Variants in SLC9A1 observed in about 807,000 individuals in gnomAD.
SLC9A1 encodes solute carrier family 9 member A1, also known as sodium/hydrogen exchanger 1.
A neutral mutation model predicts 67.9 loss-of-function variants in SLC9A1; 22 were observed. The observed-to-expected ratio is 0.32, with a 90% CI of 0.23 to 0.46. The LOEUF is 0.46. Among genes scored for constraint, SLC9A1 ranks in the 20% least tolerant of loss-of-function variants. The probability of loss-of-function intolerance (pLI) is 1.00; values close to 1 mark genes in which losing one functional copy is unlikely to be tolerated. For missense variants in SLC9A1, 686 were observed against 1,094.8 expected, an observed-to-expected ratio of 0.63 and a Z score of 5.27; for synonymous variants, 421 against 471.8, an observed-to-expected ratio of 0.89 and a Z score of 1.40.
chr1:27,147,163 G>A (rs1460186005), intron 1 of SLC9A1, among the ~76,000 whole-genome samples: 2 of 151,942 alleles, frequency 1.3e-5, no homozygotes, highest in Admixed American at 6.6e-5. Context: ...AGCCAGGCAT[G>A]ATGGTTGGTG....
At chr1:27,132,989 T>TC (rs1193990802) in intron 1 of SLC9A1, among the ~76,000 whole-genome samples, 2 of 152,020 alleles carry the variant, frequency 1.3e-5, no homozygotes, top group Non-Finnish European at 2.9e-5. Flanking sequence ...GGAAATCTTA[T>TC]CATGCCAAAT....
Position 27,124,573 on chromosome 1 carries a change from A to G in SLC9A1, c.353-10287T>C, listed in dbSNP as rs578138561. On this transcript the variant is annotated intron_variant, in intron 1 of 11. Transcript: ENST00000263980. ...GTCACAGTGTCCTATTTTCAGCACT[A>G]CAAGGAATGCGGGGGACCGCAAAGG... 2.0e-5 allele frequency among the ~76,000 whole-genome samples: 3 copies of G among 152,340 alleles called. No homozygotes were observed. The South Asian group carries it at 6.2e-4, about 32-fold the overall frequency.
chr1:27,099,808 T>A lies in SLC9A1; in HGVS notation c.*499A>T, dbSNP rs1264022680. 1 of 153,792 alleles carries A rather than the reference T, an allele frequency of 6.5e-6. No homozygotes were observed. The highest frequency in any genetic ancestry group is 1.4e-5 in the Non-Finnish European group (1 of 69,296). The allele number at this position is 153,792 out of a possible 1,614,324, so 9.5% of individuals were successfully genotyped here. A position where few individuals can be genotyped will look rare whatever the true frequency, so the allele number is the denominator to read the frequency against. On this transcript the variant is annotated 3_prime_UTR_variant, in exon 12 of 12. Transcript: ENST00000263980. ...AGGGTGACAGAGCTGGCAGGAGGAGTGTGAGACCTTGGTGGGTCAGCAGTC... is the reference window on the plus strand; with the variant it reads ...AGGGTGACAGAGCTGGCAGGAGGAGAGTGAGACCTTGGTGGGTCAGCAGTC...
At chr1:27,131,067 C>T (rs1204871943) in intron 1 of SLC9A1, among the ~76,000 whole-genome samples, 1 of 152,230 alleles carries the variant, frequency 6.6e-6, no homozygotes, top group Non-Finnish European at 1.5e-5. Flanking sequence ...CAGGGCCCAT[C>T]GTGTGATCCC....
intron 1 of SLC9A1, among the ~76,000 whole-genome samples, chr1:27,132,699 C>A (rs1250603193): frequency 6.6e-6 from 1 of 152,154 alleles, no homozygotes; most frequent in East Asian, 1.9e-4. Flanking sequence ...CTGTTCACTG[C>A]CACTGGAATG....
Position 27,153,998 on chromosome 1 carries a change from A to G in SLC9A1, c.337T>C (p.Cys113Arg). Residue 113 changes from cysteine to arginine, a missense_variant, in exon 1 of 12, where the codon TGC becomes CGC. Physicochemically the swap from Cys to Arg is radical, Grantham distance 180. Coordinates refer to ENST00000263980, the MANE Select transcript of SLC9A1 (RefSeq NM_003047.5). ...CGGGACTTACCTATCTTCATGAGGC[A>G]GGCCAGAAGGATCCAGAGGGAGATC... ...FEISLWILLA[C>R]LMKIGFHVIP... 6.4e-7 allele frequency: 1 copy of G among 1,561,912 alleles called. No individual in the cohort carries two copies. Among genetic ancestry groups the G allele is most frequent in the South Asian group, 1.2e-5 (1 of 83,290 alleles).
intron 1 of SLC9A1, among the ~76,000 whole-genome samples, chr1:27,129,486 G>A (rs1015165658): frequency 6.6e-6 from 1 of 152,190 alleles, no homozygotes; most frequent in East Asian, 1.9e-4. Flanking sequence ...GCAGGGCTTG[G>A]TCCTGGTGCC....
intron 1 of SLC9A1, among the ~76,000 whole-genome samples, chr1:27,126,768 G>C (rs1299511434): frequency 6.6e-6 from 1 of 152,210 alleles, no homozygotes; most frequent in African/African-American, 2.4e-5. Context: ...GAGGGCAGAA[G>C]TCATGTCTGG....
In SLC9A1 at chr1:27,154,293, C is replaced by T. The variant is rs768423413; in HGVS notation, c.42G>A (p.Arg14=). The change falls in exon 1 of 12, where the codon CGG becomes CGA. Residue 14 remains arginine, a synonymous_variant. Coordinates refer to ENST00000263980, the MANE Select transcript of SLC9A1 (RefSeq NM_003047.5). ...RSGICGLSPH[R]IFPSLLVVVA... ...CCACCACGAGTAAGGAAGGGAAGAT[C>T]CGATGTGGAGAGAGGCCACAGATGC... 3 of 1,610,142 alleles carry T rather than the reference C, an allele frequency of 1.9e-6. No individual in the cohort carries two copies. In the South Asian group the frequency reaches 3.3e-5, roughly 18 times the overall value.
At chr1:27,112,091 A>T (rs2083232017) in intron 2 of SLC9A1, among the ~76,000 whole-genome samples, 1 of 152,216 alleles carries the variant, frequency 6.6e-6, no homozygotes, top group Non-Finnish European at 1.5e-5. Flanking sequence ...GTAATCCTGT[A>T]AGAAGCCTGG....
chr1:27,100,546 G>T lies in SLC9A1; in HGVS notation c.2209C>A (p.Leu737Met), dbSNP rs2083134691. Reference sequence around the variant, plus strand: ...CTCAACCCTAAGACTTTGCCCTTCAGCTCTTCATTCACCAGGTCCACAGAC... The same window carrying T: ...CTCAACCCTAAGACTTTGCCCTTCATCTCTTCATTCACCAGGTCCACAGAC... ...PESVDLVNEELKGKVLGLSRD... is the reference protein window; with the variant it reads ...PESVDLVNEEMKGKVLGLSRD... Residue 737 changes from leucine to methionine, a missense_variant, in exon 12 of 12, where the codon CTG becomes ATG. Leu to Met is a conservative substitution (Grantham distance 15). This residue lies in a region of SLC9A1 where 226 missense variants were observed against 282.4 expected (regional missense o/e 0.80). Transcript: ENST00000263980. This position sits in a 1 kb window ranked among gnomAD's most constrained non-coding sequence, Gnocchi z 5.6. 1 of 1,614,040 alleles carries T rather than the reference G, an allele frequency of 6.2e-7. No homozygotes were observed. Among genetic ancestry groups the T allele is most frequent in the Non-Finnish European group, 8.5e-7 (1 of 1,179,930 alleles).
rs1441147899 is a variant in SLC9A1, at chr1:27,137,430, C to CA, written c.352+16552dup. ...GGCCGGGCTCTGTCATCATGTCAGACATTTAGAAGCCCTTACTGCTAGGTG... is the reference window on the plus strand; with the variant it reads ...GGCCGGGCTCTGTCATCATGTCAGACAATTTAGAAGCCCTTACTGCTAGGTG... On this transcript the variant is annotated intron_variant, in intron 1 of 11. Transcript: ENST00000263980. This position sits in a 1 kb window ranked among gnomAD's most constrained non-coding sequence, Gnocchi z 4.6. Among the ~76,000 whole-genome samples the CA allele has an allele frequency of 3.3e-5, 5 of 152,196 alleles. No homozygotes were observed. The highest frequency in any genetic ancestry group is 1.3e-4 in the Admixed American group (2 of 15,282).
chr1:27,123,509 C>CTTTT (rs890523683), intron 1 of SLC9A1, among the ~76,000 whole-genome samples: 14 of 143,536 alleles, frequency 9.8e-5, no homozygotes, highest in African/African-American at 3.1e-4. Flanking sequence ...TTTTATTGGG[C>CTTTT]TTTTTTTTTT....
At chr1:27,141,481 G>C (rs1368194119) in intron 1 of SLC9A1, among the ~76,000 whole-genome samples, 1 of 152,150 alleles carries the variant, frequency 6.6e-6, no homozygotes, top group Non-Finnish European at 1.5e-5. Context: ...TCAAGGCCTA[G>C]CTCAGTGGTC....
At chr1:27,127,047 C>G (rs887311750) in intron 1 of SLC9A1, among the ~76,000 whole-genome samples, 4 of 152,150 alleles carry the variant, frequency 2.6e-5, no homozygotes, top group Non-Finnish European at 4.4e-5. Context: ...GTTGCCCAGG[C>G]TGGAGTGCAG....
Position 27,101,645 on chromosome 1 carries a change from G to A in SLC9A1, c.2037+80C>T. 3.0e-6 allele frequency: 3 copies of A among 999,382 alleles called. No individual in the cohort carries two copies. In the South Asian group the frequency reaches 4.1e-5, roughly 14 times the overall value. The allele number at this position is 999,382 out of a possible 1,614,324, so 61.9% of individuals were successfully genotyped here. A position where few individuals can be genotyped will look rare whatever the true frequency, so the allele number is the denominator to read the frequency against. On this transcript the variant is annotated intron_variant, in intron 10 of 11. Transcript: ENST00000263980. The surrounding 1 kb of genome is among the most constrained non-coding windows in gnomAD (Gnocchi z 4.9). ...GAAAGCCAAACCCTGTTCCTAGAAT[G>A]GGTACATTTCCTTAGAGGCTGTGGC...
chr1:27,128,684 G>A (rs112568543), intron 1 of SLC9A1, among the ~76,000 whole-genome samples: 35 of 151,064 alleles, frequency 2.3e-4, no homozygotes, highest in African/African-American at 7.0e-4. Context: ...AAGGCCAGGC[G>A]TGGTGGCTCA....
intron 2 of SLC9A1, 55 bp downstream of exon 2, chr1:27,113,771 G>A: frequency 1.5e-6 from 2 of 1,329,894 alleles, no homozygotes; most frequent in Non-Finnish European, 2.1e-6. Flanking sequence ...TCACTGGTGG[G>A]CCTGGATTTG....
In SLC9A1 at chr1:27,137,643, T is replaced by A. The variant is rs1475216962; in HGVS notation, c.352+16340A>T. 6.6e-6 allele frequency among the ~76,000 whole-genome samples: 1 copy of A among 152,170 alleles called. No individual in the cohort carries two copies. Among genetic ancestry groups the A allele is most frequent in the Non-Finnish European group, 1.5e-5 (1 of 68,024 alleles). On this transcript the variant is annotated intron_variant, in intron 1 of 11. Coordinates refer to ENST00000263980, the MANE Select transcript of SLC9A1 (RefSeq NM_003047.5). This position sits in a 1 kb window ranked among gnomAD's most constrained non-coding sequence, Gnocchi z 4.6. ...CTGGTTCTGATTCTAGGTCTGCCCT[T>A]TCCTGACCTGACAACTCCCCAGGCC...
Sources: gnomAD v4.1 joint callset for allele counts (sites outside exome capture counted in the v4.1 genomes callset) on GRCh38, gnomAD v4.1.1 for gene constraint, gnomAD v4.1.1 regional missense constraint, Gnocchi (gnomAD v3.1) non-coding constraint, MANE v1.5 for transcripts, NCBI Gene and HGNC (gene_info 2026-07-23, HGNC 2026-07-21) for gene names.